Variants in PTPRG observed in about 807,000 individuals in gnomAD.
PTPRG encodes receptor-type tyrosine-protein phosphatase gamma.
Under a neutral mutation model 165.3 loss-of-function variants are expected in PTPRG, and 102 were observed. The ratio of observed to expected loss-of-function variants is 0.62; its 90% CI spans 0.53 to 0.73. PTPRG has a LOEUF of 0.73. PTPRG is among the 30% of genes least tolerant of loss of function. The pLI is 0.00. For synonymous variants in PTPRG, 675 were observed against 669.5 expected, an observed-to-expected ratio of 1.01 and a Z score of -0.13; for missense variants, 1,866 against 1,861.4, an observed-to-expected ratio of 1.00 and a Z score of -0.05.
chr3:61,574,933 C>T (rs1700141799), intron 1 of PTPRG, among the ~76,000 whole-genome samples: 1 of 152,184 alleles, frequency 6.6e-6, no homozygotes, highest in African/African-American at 2.4e-5. Context: ...AGAACTCAGT[C>T]ACTGCCTCGA....
In PTPRG at chr3:61,907,308, C is replaced by G. The variant is rs139015092; in HGVS notation, c.191-82317C>G. Among the ~76,000 whole-genome samples the G allele has an allele frequency of 8.6e-3, 1,307 of 152,288 alleles. 9 individuals are homozygous for G. Among genetic ancestry groups the G allele is most frequent in the Non-Finnish European group, 0.015 (1,024 of 68,030 alleles). On this transcript the variant is annotated intron_variant, in intron 2 of 29. Transcript: ENST00000474889. ...AACCAACAATTGAGAAGCCTCCTTT[C>G]TGGATCCAAAGGCACATGGTCTCTC...
At chr3:61,616,490 G>C (rs1701300697) in intron 1 of PTPRG, among the ~76,000 whole-genome samples, 1 of 152,138 alleles carries the variant, frequency 6.6e-6, no homozygotes, top group African/African-American at 2.4e-5. Context: ...CGACTGTTTT[G>C]AATATGTTTA....
At chr3:62,169,802 G>A (rs1042436190) in intron 8 of PTPRG, among the ~76,000 whole-genome samples, 17 of 152,138 alleles carry the variant, frequency 1.1e-4, no homozygotes, top group African/African-American at 4.1e-4. Context: ...AGTGTGGTAC[G>A]TTACGTGGAG....
At chr3:62,209,182 T>C (rs996612557) in intron 12 of PTPRG, among the ~76,000 whole-genome samples, 14 of 152,200 alleles carry the variant, frequency 9.2e-5, no homozygotes, top group Admixed American at 7.9e-4. Flanking sequence ...TCCTTCTCCC[T>C]AGGAACATTT....
chr3:61,849,865 G>A (rs1449940986), intron 2 of PTPRG, among the ~76,000 whole-genome samples: 2 of 152,162 alleles, frequency 1.3e-5, no homozygotes, highest in South Asian at 2.1e-4. Flanking sequence ...CTGTTTCTGC[G>A]AAGTCCTGAT....
chr3:62,078,479 G>A (rs1701464368), intron 5 of PTPRG, among the ~76,000 whole-genome samples: 1 of 152,082 alleles, frequency 6.6e-6, no homozygotes, highest in Admixed American at 6.5e-5. Flanking sequence ...ATTGCTACTT[G>A]ACTGGTGCAC....
chr3:61,562,508 G>A, intron 1 of PTPRG, 136 bp downstream of exon 1: 1 of 743,776 alleles, frequency 1.3e-6, no homozygotes, highest in Non-Finnish European at 2.3e-6. Flanking sequence ...CGCCCGGATA[G>A]GAGAAAAGGA....
intron 8 of PTPRG, among the ~76,000 whole-genome samples, chr3:62,182,661 T>C (rs1705704400): frequency 6.6e-6 from 1 of 152,034 alleles, no homozygotes; most frequent in South Asian, 2.1e-4. Flanking sequence ...AACTAATTCT[T>C]TGTTTGTTTG....
intron 2 of PTPRG, among the ~76,000 whole-genome samples, chr3:61,808,434 C>T (rs879684697): frequency 2.0e-5 from 3 of 151,856 alleles, no homozygotes; most frequent in Admixed American, 6.6e-5. Context: ...TTTTTTCATC[C>T]ACCCCAGATA....
At chr3:61,755,529 T>C (rs1435763679) in intron 2 of PTPRG, among the ~76,000 whole-genome samples, 2 of 152,236 alleles carry the variant, frequency 1.3e-5, no homozygotes, top group East Asian at 1.9e-4. Context: ...AGAATTTCTT[T>C]ACTTATTTGT....
chr3:62,290,833 G>C (rs1217385280), intron 28 of PTPRG, among the ~76,000 whole-genome samples: 1 of 152,060 alleles, frequency 6.6e-6, no homozygotes, highest in East Asian at 1.9e-4. Context: ...ATGTAGGAGA[G>C]TATCTTTAAA....
intron 1 of PTPRG, among the ~76,000 whole-genome samples, chr3:61,699,910 C>G (rs1176928122): frequency 2.0e-5 from 3 of 152,198 alleles, no homozygotes; most frequent in Non-Finnish European, 4.4e-5. Flanking sequence ...AAAGGAGACT[C>G]AACCTCAGAG....
chr3:61,752,344 T>C (rs2033465618), intron 2 of PTPRG, among the ~76,000 whole-genome samples: 1 of 152,228 alleles, frequency 6.6e-6, no homozygotes, highest in Admixed American at 6.5e-5. Context: ...ATATTATCTA[T>C]GGCTGCTTTT....
chr3:61,750,640 A>T (rs780915462), intron 2 of PTPRG: 1 of 152,210 alleles, frequency 6.6e-6, no homozygotes, highest in African/African-American at 2.4e-5. Context: ...ATCAAAAGCC[A>T]TGTCGTCTTT....
intron 8 of PTPRG, among the ~76,000 whole-genome samples, chr3:62,191,075 C>CGTGCA (rs1227460704): frequency 6.6e-6 from 1 of 152,130 alleles, no homozygotes; most frequent in Non-Finnish European, 1.5e-5. Flanking sequence ...GCATGTGCAT[C>CGTGCA]TGTGTCCCGT....
intron 4 of PTPRG, among the ~76,000 whole-genome samples, chr3:62,006,016 C>G (rs1172035634): frequency 1.3e-5 from 2 of 152,056 alleles, no homozygotes; most frequent in African/African-American, 4.8e-5. Context: ...GATTAATATT[C>G]TTTTGAAACC....
chr3:62,188,374 C>T (rs1186885377), intron 8 of PTPRG, among the ~76,000 whole-genome samples: 1 of 152,098 alleles, frequency 6.6e-6, no homozygotes, highest in Admixed American at 6.6e-5. Context: ...GACACCACCA[C>T]AAAACAAAAC....
chr3:61,974,135 A>G lies in PTPRG; in HGVS notation c.191-15490A>G, dbSNP rs80287726. On this transcript the variant is annotated intron_variant, in intron 2 of 29. Coordinates refer to ENST00000474889, the MANE Select transcript of PTPRG (RefSeq NM_002841.4). ...ACTGTCTTTTTTAGAGTGTGTTGGT[A>G]TTGTTTTAAACTATTTTTTAATCTT... Among the ~76,000 whole-genome samples, 1,219 of 152,176 alleles carry G rather than the reference A, an allele frequency of 8.0e-3. 17 individuals are homozygous for G. Among genetic ancestry groups the G allele is most frequent in the African/African-American group, 0.027 (1,134 of 41,514 alleles).
chr3:61,719,562 C>G (rs2031961050), intron 1 of PTPRG, among the ~76,000 whole-genome samples: 1 of 152,162 alleles, frequency 6.6e-6, no homozygotes, highest in Non-Finnish European at 1.5e-5. Context: ...AGAAAGGGAA[C>G]AGGGAGAAGG....
Sources: gnomAD v4.1 joint callset for allele counts (sites outside exome capture counted in the v4.1 genomes callset) on GRCh38, gnomAD v4.1.1 for gene constraint, MANE v1.5 for transcripts, NCBI Gene and HGNC (gene_info 2026-07-23, HGNC 2026-07-21) for gene names.